Variants in RBFOX1 observed in about 807,000 individuals in gnomAD.
The protein encoded by RBFOX1 is RNA binding fox-1 homolog 1.
In RBFOX1, 8 loss-of-function variants were observed where a neutral mutation model predicts 57.7. The observed-to-expected ratio is 0.14, with a 90% confidence interval of 0.08 to 0.25. The LOEUF (loss-of-function observed/expected upper bound fraction) is 0.25. Ranked by LOEUF, RBFOX1 falls within the 10% of genes least tolerant of loss-of-function variation. RBFOX1 has a pLI of 1.00. For synonymous variants in RBFOX1, 326 were observed against 222.4 expected, an observed-to-expected ratio of 1.47 and a Z score of -4.15; for missense variants, 611 against 548.5, an observed-to-expected ratio of 1.11 and a Z score of -1.14.
At chr16:5,551,287 C>T (rs568482166) in intron 2 of RBFOX1, among the ~76,000 whole-genome samples, 10 of 152,300 alleles carry the variant, frequency 6.6e-5, no homozygotes, top group Admixed American at 2.6e-4. Context: ...ACTTACTTAT[C>T]GAACACTTCA....
chr16:6,683,079 T>A (rs189883694), intron 3 of RBFOX1, among the ~76,000 whole-genome samples: 1 of 152,100 alleles, frequency 6.6e-6, no homozygotes, highest in Non-Finnish European at 1.5e-5. Context: ...ACATGTAGAA[T>A]ACTGGAGACT....
intron 5 of RBFOX1, 101 bp downstream of exon 5, chr16:7,518,490 G>A: frequency 6.8e-7 from 1 of 1,473,570 alleles, no homozygotes; most frequent in East Asian, 2.3e-5. Context: ...GGGACTCTGG[G>A]AAACAGATCA....
At chr16:6,862,878 A>G (rs1274647850) in intron 3 of RBFOX1, among the ~76,000 whole-genome samples, 1 of 147,272 alleles carries the variant, frequency 6.8e-6, no homozygotes, top group Non-Finnish European at 1.5e-5. Context: ...CCAGCTACTC[A>G]GGAGGTTGAG....
At chr16:6,015,135 G>C (rs933728038), upstream of RBFOX1, among the ~76,000 whole-genome samples, 2 of 152,162 alleles carry the variant, frequency 1.3e-5, no homozygotes, top group Non-Finnish European at 2.9e-5. Flanking sequence ...GGGATTACAG[G>C]TATGAGCAAG....
intron 2 of RBFOX1, among the ~76,000 whole-genome samples, chr16:6,565,555 C>T (rs1368606254): frequency 6.6e-6 from 1 of 151,874 alleles, no homozygotes; most frequent in Non-Finnish European, 1.5e-5. Flanking sequence ...CTGCGCCCAG[C>T]TCCCAGATTC....
intron 4 of RBFOX1, among the ~76,000 whole-genome samples, chr16:7,436,869 C>G (rs961512881): frequency 3.9e-5 from 6 of 152,090 alleles, no homozygotes; most frequent in Non-Finnish European, 8.8e-5. Flanking sequence ...TGAGACCAGC[C>G]TGGCAAATAT....
At chr16:7,078,867 T>C (rs1308482016) in intron 4 of RBFOX1, among the ~76,000 whole-genome samples, 2 of 127,534 alleles carry the variant, frequency 1.6e-5, no homozygotes, top group Non-Finnish European at 3.2e-5. Context: ...ATATACCTTT[T>C]TTTTTTTTTT....
At chr16:6,551,255 G>A (rs985860270) in intron 2 of RBFOX1, among the ~76,000 whole-genome samples, 2 of 152,188 alleles carry the variant, frequency 1.3e-5, no homozygotes, top group African/African-American at 4.8e-5. Flanking sequence ...CACATGTAAT[G>A]AGTAAATACA....
At chr16:5,245,388 A>G (rs530097960) in intron 1 of RBFOX1, among the ~76,000 whole-genome samples, 1 of 152,312 alleles carries the variant, frequency 6.6e-6, no homozygotes, top group East Asian at 1.9e-4. Context: ...GTCTGGGGCT[A>G]GGAAGGCAGG....
intron 4 of RBFOX1, among the ~76,000 whole-genome samples, chr16:7,070,233 G>C (rs909739539): frequency 1.3e-5 from 2 of 152,172 alleles, no homozygotes; most frequent in Admixed American, 6.5e-5. Flanking sequence ...TCACATATGA[G>C]GAGACTGATG....
chr16:6,052,842 TGCC>T (rs2095570523), intron 1 of RBFOX1, among the ~76,000 whole-genome samples: 1 of 150,228 alleles, frequency 6.7e-6, no homozygotes, highest in African/African-American at 2.4e-5. Context: ...ATAATATTAA[TGCC>T]TATGGCCTGG....
chr16:6,357,511 T>G (rs1410818455), intron 2 of RBFOX1, among the ~76,000 whole-genome samples: 1 of 152,058 alleles, frequency 6.6e-6, no homozygotes, highest in African/African-American at 2.4e-5. Flanking sequence ...GTTGAGGGTG[T>G]CTAGCCTTTT....
intron 1 of RBFOX1, among the ~76,000 whole-genome samples, chr16:5,445,966 T>G (rs2068227683): frequency 6.6e-6 from 1 of 152,244 alleles, no homozygotes; most frequent in African/African-American, 2.4e-5. Context: ...GTTTGAAGAA[T>G]CTTTATTGCT....
chr16:5,386,602 C>T (rs1373563281), intron 1 of RBFOX1, among the ~76,000 whole-genome samples: 1 of 152,166 alleles, frequency 6.6e-6, no homozygotes, highest in South Asian at 2.1e-4. Flanking sequence ...CTTGTGTGAC[C>T]TTACCCTTGT....
At chr16:7,476,702 C>G (rs985693695) in intron 4 of RBFOX1, among the ~76,000 whole-genome samples, 3 of 152,046 alleles carry the variant, frequency 2.0e-5, no homozygotes, top group Non-Finnish European at 4.4e-5. Context: ...CTTCATTTCC[C>G]CAGAAAGACC....
chr16:6,375,666 C>T (rs953821190), intron 2 of RBFOX1, among the ~76,000 whole-genome samples: 1 of 152,110 alleles, frequency 6.6e-6, no homozygotes, highest in African/African-American at 2.4e-5. Context: ...TCTTCAGCAT[C>T]CAGATGGGAA....
chr16:5,934,551 C>T (rs2059130612), intron 4 of RBFOX1, among the ~76,000 whole-genome samples: 1 of 152,266 alleles, frequency 6.6e-6, no homozygotes, highest in East Asian at 1.9e-4. Flanking sequence ...AGACTGAGGC[C>T]TGCAGTATGG....
chr16:6,953,393 T>C (rs889500297), intron 3 of RBFOX1, among the ~76,000 whole-genome samples: 10 of 147,106 alleles, frequency 6.8e-5, no homozygotes, highest in South Asian at 2.2e-4. Flanking sequence ...GTTGTTGTTA[T>C]TGTTTTTTTT....
rs150868363 is a variant in RBFOX1, at chr16:7,249,114, G to C, written c.27+197016G>C. On this transcript the variant is annotated intron_variant, in intron 4 of 15. Transcript: ENST00000550418. ...GGGAGGGGAAGAGAGAAATGGGAGA[G>C]GGAAAGGAAGGAATCAATGCTGAAA... is the stretch of plus-strand genomic sequence containing the variant. 1.1e-3 allele frequency among the ~76,000 whole-genome samples: 168 copies of C among 152,222 alleles called. 1 individual carries two copies. Among genetic ancestry groups the C allele is most frequent in the African/African-American group, 3.9e-3 (162 of 41,546 alleles).
Sources: allele counts gnomAD v4.1 joint callset (sites outside exome capture counted in the v4.1 genomes callset), GRCh38; gene constraint gnomAD v4.1.1; transcripts MANE v1.5; gene names NCBI Gene and HGNC (gene_info 2026-07-23, HGNC 2026-07-21).